Variants in KMT2C observed in about 807,000 individuals in gnomAD.
The protein encoded by KMT2C is histone-lysine N-methyltransferase 2C.
A neutral mutation model predicts 507.9 loss-of-function variants in KMT2C; 88 were observed. The ratio of observed to expected loss-of-function variants is 0.17; its 90% CI spans 0.15 to 0.21. KMT2C has a LOEUF of 0.21. Ranked by LOEUF, KMT2C falls within the 10% of genes least tolerant of loss-of-function variation. KMT2C has a pLI of 1.00. For missense variants in KMT2C, 4,954 were observed against 5,957.8 expected, an observed-to-expected ratio of 0.83 and a Z score of 5.55; for synonymous variants, 2,049 against 2,080.8, an observed-to-expected ratio of 0.98 and a Z score of 0.42.
chr7:152,273,627 C>T (rs1326840545), intron 7 of KMT2C, 78 bp downstream of exon 7: 53 of 1,590,940 alleles, frequency 3.3e-5, no homozygotes, highest in East Asian at 1.6e-4. Flanking sequence ...TAGAATAACA[C>T]TCAGGGAATT....
Position 152,180,774 on chromosome 7 carries a change from T to C in KMT2C, c.7086A>G (p.Ser2362=), listed in dbSNP as rs149651977. ...VSQLPGPVPT[S]GVTDTQNTVN... ...CAGTATTCTGTGTATCAGTTACTCCTGAAGTTGGCACAGGTCCAGGAAGTT... is the reference window on the plus strand; with the variant it reads ...CAGTATTCTGTGTATCAGTTACTCCCGAAGTTGGCACAGGTCCAGGAAGTT... Residue 2362 remains serine, a synonymous_variant, in exon 36 of 59, where the codon TCA becomes TCG. Transcript: ENST00000262189. The C allele has an allele frequency of 1.1e-5, 17 of 1,614,064 alleles. No individual in the cohort carries two copies. In the African/African-American group the frequency reaches 2.0e-4, roughly 19 times the overall value.
At chr7:152,216,421 TCA>T (rs1156669648) in intron 23 of KMT2C, among the ~76,000 whole-genome samples, 1 of 152,236 alleles carries the variant, frequency 6.6e-6, no homozygotes, top group Non-Finnish European at 1.5e-5. Context: ...TCCAGGAACA[TCA>T]CAGTTTGGAT....
intron 2 of KMT2C, among the ~76,000 whole-genome samples, chr7:152,332,787 G>A (rs1187513925): frequency 2.0e-5 from 3 of 151,250 alleles, no homozygotes; most frequent in Admixed American, 1.3e-4. Flanking sequence ...GATGGAAGTT[G>A]CAGTGAGCCG....
chr7:152,341,338 A>G (rs1350407156), intron 2 of KMT2C, among the ~76,000 whole-genome samples: 1 of 152,196 alleles, frequency 6.6e-6, no homozygotes, highest in African/African-American at 2.4e-5. Flanking sequence ...AAGAAGCTGA[A>G]TTTTTCATTT....
In KMT2C at chr7:152,264,118, C is replaced by T. The variant is rs79611444; in HGVS notation, c.1184+920G>A. Among the ~76,000 whole-genome samples the T allele has an allele frequency of 4.7e-3, 708 of 152,152 alleles. 7 individuals are homozygous for T. The highest frequency in any genetic ancestry group is 0.016 in the African/African-American group (679 of 41,516). The stretch of plus-strand genomic sequence containing the variant: ...TTTTAATCCTTCCCAAGAAACTGAG[C>T]GCAGATATAAGGTATCGAATAAATG... On this transcript the variant is annotated intron_variant, in intron 8 of 58. Transcript: ENST00000262189.
intron 16 of KMT2C, among the ~76,000 whole-genome samples, chr7:152,232,517 G>A (rs1173201243): frequency 6.6e-6 from 1 of 152,242 alleles, no homozygotes; most frequent in East Asian, 1.9e-4. Flanking sequence ...AGAAATTGCT[G>A]CTTTTCATCA....
intron 1 of KMT2C, among the ~76,000 whole-genome samples, chr7:152,426,181 C>A (rs1156339863): frequency 6.6e-6 from 1 of 151,620 alleles, no homozygotes; most frequent in Non-Finnish European, 1.5e-5. Flanking sequence ...AAATCTTTGC[C>A]ACCCCACTAT....
rs71533554 is a variant in KMT2C at position 152,235,207 on chromosome 7, G to GTATATATATATATATATATATA, written c.2769+609_2769+610insTATATATATATATATATATATA. Among the ~76,000 whole-genome samples the GTATATATATATATATATATATA allele has an allele frequency of 6.9e-3, 984 of 142,168 alleles. 17 individuals are homozygous for GTATATATATATATATATATATA. Among genetic ancestry groups the GTATATATATATATATATATATA allele is most frequent in the East Asian group, 0.013 (56 of 4,382 alleles). The allele number at this position is 142,168 out of a possible 152,430, so 93.3% of individuals were successfully genotyped here. ...TGATTGTGGTATCGTTTTCAAGGGT[G>GTATATATATATATATATATATA]TATATATATATATATATCAAAGCTT... On this transcript the variant is annotated intron_variant, in intron 16 of 58. Transcript: ENST00000262189.
chr7:152,260,665 G>T (rs916895424), intron 9 of KMT2C, among the ~76,000 whole-genome samples: 1 of 152,186 alleles, frequency 6.6e-6, no homozygotes, highest in African/African-American at 2.4e-5. Context: ...TTTGTAATAT[G>T]AAACATTATA....
intron 1 of KMT2C, among the ~76,000 whole-genome samples, chr7:152,413,249 G>C (rs536851389): frequency 1.3e-5 from 2 of 152,064 alleles, no homozygotes; most frequent in East Asian, 3.9e-4. Flanking sequence ...CGAGTAGCTG[G>C]GACTACTAAC....
chr7:152,225,107 A>G (rs1308079108), intron 18 of KMT2C, among the ~76,000 whole-genome samples: 1 of 152,190 alleles, frequency 6.6e-6, no homozygotes, highest in Non-Finnish European at 1.5e-5. Flanking sequence ...GGAATTCTGA[A>G]GTTCACATTC....
intron 6 of KMT2C, among the ~76,000 whole-genome samples, chr7:152,276,271 A>G (rs1351565211): frequency 6.6e-6 from 1 of 152,222 alleles, no homozygotes; most frequent in Non-Finnish European, 1.5e-5. Flanking sequence ...CCAAGTAAAA[A>G]GTACTTGTAA....
At chr7:152,191,090 C>A (rs1156835210) in intron 31 of KMT2C, among the ~76,000 whole-genome samples, 2 of 152,134 alleles carry the variant, frequency 1.3e-5, no homozygotes, top group African/African-American at 4.8e-5. Flanking sequence ...AATTAAAAAG[C>A]ATTCCTCGAG....
chr7:152,204,622 G>C (rs1316458270), intron 25 of KMT2C, among the ~76,000 whole-genome samples: 3 of 151,504 alleles, frequency 2.0e-5, no homozygotes, highest in Non-Finnish European at 4.4e-5. Context: ...TAGATAGATA[G>C]ATAGATAGAT....
chr7:152,259,605 A>C (rs1168884096), intron 9 of KMT2C, among the ~76,000 whole-genome samples: 1 of 152,160 alleles, frequency 6.6e-6, no homozygotes, highest in Non-Finnish European at 1.5e-5. Flanking sequence ...GTTTGAACTT[A>C]TTTTCAAGTA....
intron 52 of KMT2C, 127 bp from the exon 53 acceptor site, chr7:152,146,862 T>C: frequency 1.2e-6 from 1 of 855,326 alleles, no homozygotes; most frequent in South Asian, 1.9e-5. Context: ...GGCAATAATC[T>C]AATAAATCTG....
intron 6 of KMT2C, among the ~76,000 whole-genome samples, chr7:152,301,148 G>A (rs1239893163): frequency 2.0e-5 from 3 of 151,624 alleles, no homozygotes; most frequent in Admixed American, 2.0e-4. Context: ...GAACTGCTTG[G>A]GCCCAGGAAT....
chr7:152,389,352 CAAAAAAA>C (rs386411673), intron 1 of KMT2C, among the ~76,000 whole-genome samples: 1 of 77,674 alleles, frequency 1.3e-5, no homozygotes, highest in Non-Finnish European at 2.9e-5. Context: ...GACTCCGTCT[CAAAAAAA>C]AAAAAAAAAA....
intron 1 of KMT2C, among the ~76,000 whole-genome samples, chr7:152,376,948 G>C (rs1476315844): frequency 6.6e-6 from 1 of 152,166 alleles, no homozygotes; most frequent in African/African-American, 2.4e-5. Context: ...ACTTTGAGAG[G>C]CCAAGGTAGG....
Sources: gnomAD v4.1 joint callset for allele counts (sites outside exome capture counted in the v4.1 genomes callset) on GRCh38, gnomAD v4.1.1 for gene constraint, MANE v1.5 for transcripts, NCBI Gene and HGNC (gene_info 2026-07-23, HGNC 2026-07-21) for gene names.